The following KCNH1 variants were observed in gnomAD, a reference collection of about 807,000 sequenced individuals.
The protein encoded by KCNH1 is potassium voltage-gated channel subfamily H member 1.
KCNH1 carries 27 observed loss-of-function variants against 69.2 expected under a neutral mutation model. The observed-to-expected ratio is 0.39, with a 90% CI of 0.29 to 0.54. The LOEUF (loss-of-function observed/expected upper bound fraction) is 0.54. Among genes scored for constraint, KCNH1 ranks in the 20% least tolerant of loss-of-function variants. The pLI is 0.68. For missense variants in KCNH1, 798 were observed against 1,261.6 expected (o/e 0.63, Z 5.57); for synonymous variants, 456 against 487.7 (o/e 0.93, Z 0.86).
chr1:211,039,683 G>C (rs972634987), intron 5 of KCNH1, among the ~76,000 whole-genome samples: 1 of 152,128 alleles, frequency 6.6e-6, no homozygotes, highest in Admixed American at 6.5e-5. Flanking sequence ...TGACTGCCCC[G>C]CTGGATTTCA....
At chr1:211,130,453 T>C (rs1057483150) in intron 1 of KCNH1, among the ~76,000 whole-genome samples, 10 of 152,166 alleles carry the variant, frequency 6.6e-5, no homozygotes, top group African/African-American at 2.2e-4. Flanking sequence ...GGCAAGAACC[T>C]TGGACCAAGA....
chr1:210,742,187 C>T (rs1209643591), intron 10 of KCNH1, among the ~76,000 whole-genome samples: 4 of 152,170 alleles, frequency 2.6e-5, no homozygotes, highest in Admixed American at 2.0e-4. Flanking sequence ...ATCTAGTCAC[C>T]ATGAATTCTG....
At chr1:210,999,189 C>T (rs1255489427) in intron 6 of KCNH1, among the ~76,000 whole-genome samples, 1 of 152,066 alleles carries the variant, frequency 6.6e-6, no homozygotes, top group Non-Finnish European at 1.5e-5. Flanking sequence ...GAAATAGAGA[C>T]ACAAAAAACC....
At chr1:210,875,313 T>C (rs914808732) in intron 7 of KCNH1, among the ~76,000 whole-genome samples, 1 of 152,204 alleles carries the variant, frequency 6.6e-6, no homozygotes, top group Non-Finnish European at 1.5e-5. Context: ...ACCACTGCTG[T>C]TGAATATTCC....
At chr1:210,959,266 C>T (rs1173876283) in intron 6 of KCNH1, among the ~76,000 whole-genome samples, 1 of 152,146 alleles carries the variant, frequency 6.6e-6, no homozygotes, top group Non-Finnish European at 1.5e-5. Flanking sequence ...GCAAATATTG[C>T]TGCCTGATCC....
intron 8 of KCNH1, among the ~76,000 whole-genome samples, chr1:210,803,667 T>C (rs1307283133): frequency 6.6e-6 from 1 of 152,260 alleles, no homozygotes; most frequent in African/African-American, 2.4e-5. Flanking sequence ...GTCATGGCTC[T>C]GATTCTTATC....
At chr1:210,918,530 T>C (rs1687394261) in intron 7 of KCNH1, among the ~76,000 whole-genome samples, 1 of 152,118 alleles carries the variant, frequency 6.6e-6, no homozygotes, top group Non-Finnish European at 1.5e-5. Flanking sequence ...AGGGAATTCA[T>C]TGTTGTCTAC....
intron 6 of KCNH1, among the ~76,000 whole-genome samples, chr1:210,937,556 C>A (rs1218998763): frequency 6.6e-6 from 1 of 152,140 alleles, no homozygotes; most frequent in African/African-American, 2.4e-5. Flanking sequence ...GGCAGTGGGT[C>A]ATGGTTCTGG....
intron 10 of KCNH1, among the ~76,000 whole-genome samples, chr1:210,768,506 A>G (rs1402839745): frequency 6.6e-6 from 1 of 152,228 alleles, no homozygotes; most frequent in African/African-American, 2.4e-5. Context: ...GAAGAGAAAT[A>G]ACACAGCTAC....
intron 9 of KCNH1, among the ~76,000 whole-genome samples, chr1:210,786,271 T>C (rs1467020348): frequency 6.6e-6 from 1 of 152,244 alleles, no homozygotes; most frequent in East Asian, 1.9e-4. Flanking sequence ...GTGTTTAGCA[T>C]TTTTATCTCT....
At chr1:210,806,808 A>T (rs1178131160) in intron 7 of KCNH1, among the ~76,000 whole-genome samples, 113 of 2,144 alleles carry the variant, frequency 0.053, 9 homozygotes, top group South Asian at 0.13. Context: ...CATCTCTACC[A>T]AAAAAAAAAA....
intron 10 of KCNH1, among the ~76,000 whole-genome samples, chr1:210,745,955 C>G (rs545503113): frequency 3.5e-4 from 53 of 152,278 alleles, no homozygotes; most frequent in African/African-American, 1.3e-3. Flanking sequence ...CACAGAATAC[C>G]AGGCAGGCCA....
intron 7 of KCNH1, among the ~76,000 whole-genome samples, chr1:210,874,944 G>T (rs1279472030): frequency 3.9e-5 from 6 of 152,040 alleles, no homozygotes; most frequent in Non-Finnish European, 8.8e-5. Flanking sequence ...CAACAGCAAA[G>T]AAACAAACCA....
chr1:211,031,199 G>T (rs991064325), intron 5 of KCNH1, among the ~76,000 whole-genome samples: 2 of 152,170 alleles, frequency 1.3e-5, no homozygotes, highest in African/African-American at 4.8e-5. Context: ...CCAGGAAGAA[G>T]TTGAATCTCT....
chr1:211,115,426 C>T (rs998879222), intron 1 of KCNH1, among the ~76,000 whole-genome samples: 1 of 152,050 alleles, frequency 6.6e-6, no homozygotes, highest in Admixed American at 6.5e-5. Context: ...ACATTTGAGT[C>T]AGTGGGCTGG....
chr1:211,070,426 A>AC (rs1553376612), intron 5 of KCNH1, among the ~76,000 whole-genome samples: 282 of 108,470 alleles, frequency 2.6e-3, no homozygotes, highest in African/African-American at 8.1e-3. Context: ...TTTAAAAAAA[A>AC]AAAAACACAC....
At chr1:211,011,979 C>T (rs909439275) in intron 6 of KCNH1, among the ~76,000 whole-genome samples, 5 of 152,192 alleles carry the variant, frequency 3.3e-5, no homozygotes, top group South Asian at 2.1e-4. Context: ...CAGCCCCTGG[C>T]CACTACTGGC....
chr1:211,072,638 G>A (rs1690666203), intron 5 of KCNH1, among the ~76,000 whole-genome samples: 1 of 152,144 alleles, frequency 6.6e-6, no homozygotes, highest in Admixed American at 6.5e-5. Flanking sequence ...AAGGTACTTA[G>A]TATAGTATTA....
chr1:210,919,519 T>C lies in KCNH1; in HGVS notation c.1462+121A>G, dbSNP rs1687416186. ...ATCAGGGTAACTGTAAGCCTAGTCT[T>C]AAAAAAACTCTTCCTTGTTTTAAGT... On this transcript the variant is annotated intron_variant, in intron 7 of 10. Transcript: ENST00000271751. The surrounding 1 kb of genome is among the most constrained non-coding windows in gnomAD (Gnocchi z 4.2). The C allele has an allele frequency of 1.0e-6, 1 of 994,518 alleles. No individual in the cohort carries two copies. Among genetic ancestry groups the C allele is most frequent in the South Asian group, 1.6e-5 (1 of 64,362 alleles). The allele number at this position is 994,518 out of a possible 1,614,324, so 61.6% of individuals were successfully genotyped here. A position where few individuals can be genotyped will look rare whatever the true frequency, so the allele number is the denominator to read the frequency against.
Sources: allele counts gnomAD v4.1 joint callset (sites outside exome capture counted in the v4.1 genomes callset), GRCh38; gene constraint gnomAD v4.1.1; non-coding constraint Gnocchi (gnomAD v3.1); transcripts MANE v1.5; gene names NCBI Gene and HGNC (gene_info 2026-07-23, HGNC 2026-07-21).